RBM17: variants seen among roughly 807,000 people sequenced by gnomAD.
The protein encoded by RBM17 is splicing factor 45.
In RBM17, 7 loss-of-function variants were observed where a neutral mutation model predicts 53.2. The observed-to-expected ratio is 0.13, with a 90% CI of 0.07 to 0.25. The LOEUF (loss-of-function observed/expected upper bound fraction) is 0.25. Among genes scored for constraint, RBM17 ranks in the 10% least tolerant of loss-of-function variants. The pLI is 1.00. For synonymous variants in RBM17, 167 were observed against 178.1 expected, an observed-to-expected ratio of 0.94 and a Z score of 0.50; for missense variants, 257 against 496.7, an observed-to-expected ratio of 0.52 and a Z score of 4.59.
Position 6,115,779 on chromosome 10 carries a change from T to A in RBM17, c.*223T>A. The A allele has an allele frequency of 2.7e-6, 1 of 376,490 alleles. No individual in the cohort carries two copies. Among genetic ancestry groups the A allele is most frequent in the Non-Finnish European group, 4.7e-6 (1 of 212,514 alleles). The allele number at this position is 376,490 out of a possible 1,614,324, so 23.3% of individuals were successfully genotyped here. On this transcript the variant is annotated 3_prime_UTR_variant, in exon 12 of 12. Coordinates refer to ENST00000379888, the MANE Select transcript of RBM17 (RefSeq NM_032905.5). ...CAATCTGTGTGCCTCTCTGGTTGTT[T>A]CTCTTTTTTATTATTACTCCTGAGT...
intron 1 of RBM17, among the ~76,000 whole-genome samples, chr10:6,092,324 A>G (rs1005900351): frequency 7.2e-5 from 11 of 152,130 alleles, no homozygotes; most frequent in African/African-American, 2.7e-4. Flanking sequence ...TGGCAGTCTT[A>G]TTAATGTACT....
Position 6,092,184 on chromosome 10 carries a change from C to G in RBM17, c.-19+2991C>G, listed in dbSNP as rs892994657. Reference sequence around the variant, plus strand: ...CAGCAATTTGTATTTACTTTTGATCCTGGCTTCTTATGGTATATCCAGTTG... The same window carrying G: ...CAGCAATTTGTATTTACTTTTGATCGTGGCTTCTTATGGTATATCCAGTTG... On this transcript the variant is annotated intron_variant, in intron 1 of 11. Coordinates refer to ENST00000379888, the MANE Select transcript of RBM17 (RefSeq NM_032905.5). Among the ~76,000 whole-genome samples, 4 of 152,284 alleles carry G rather than the reference C, an allele frequency of 2.6e-5. No homozygotes were observed. In the South Asian group the frequency reaches 6.2e-4, roughly 24 times the overall value.
intron 3 of RBM17, among the ~76,000 whole-genome samples, chr10:6,104,532 G>C (rs891847107): frequency 1.1e-4 from 17 of 152,206 alleles, no homozygotes; most frequent in Non-Finnish European, 1.5e-5. Flanking sequence ...CTGCAAGAAT[G>C]ATTGTGGTGT....
At chr10:6,104,565 G>A (rs1467798322) in intron 3 of RBM17, among the ~76,000 whole-genome samples, 4 of 152,198 alleles carry the variant, frequency 2.6e-5, no homozygotes, top group African/African-American at 9.7e-5. Flanking sequence ...TATTTTTTAA[G>A]TTGTCATAGA....
intron 1 of RBM17, among the ~76,000 whole-genome samples, chr10:6,093,878 A>C (rs1564564875): frequency 6.6e-6 from 1 of 152,186 alleles, no homozygotes; most frequent in Non-Finnish European, 1.5e-5. Flanking sequence ...CTGAATATGC[A>C]ATATATGTCA....
intron 10 of RBM17, 121 bp from the exon 11 acceptor site, chr10:6,115,118 C>A: frequency 1.3e-6 from 1 of 747,532 alleles, no homozygotes; most frequent in East Asian, 2.7e-5. Context: ...TGGTATTTGA[C>A]AACTACTTGA....
intron 10 of RBM17, 58 bp from the exon 11 acceptor site, chr10:6,115,181 A>G: frequency 7.4e-7 from 1 of 1,343,614 alleles, no homozygotes; most frequent in South Asian, 1.3e-5. Context: ...TTAAAAGAGA[A>G]AACTCATTCA....
chr10:6,104,212 C>A (rs1444216617), intron 3 of RBM17, among the ~76,000 whole-genome samples: 1 of 152,178 alleles, frequency 6.6e-6, no homozygotes, highest in East Asian at 1.9e-4. Flanking sequence ...CTGTGCTCTG[C>A]CTCTCGTTTT....
intron 3 of RBM17, among the ~76,000 whole-genome samples, chr10:6,104,096 G>A (rs1419368806): frequency 2.0e-5 from 3 of 152,232 alleles, no homozygotes; most frequent in African/African-American, 7.2e-5. Flanking sequence ...GAAAGTGTGG[G>A]AAGGTTTAGG....
chr10:6,090,915 T>C (rs1274253070), intron 1 of RBM17, among the ~76,000 whole-genome samples: 1 of 137,850 alleles, frequency 7.3e-6, no homozygotes, highest in Non-Finnish European at 1.5e-5. Context: ...AGGTAGATGC[T>C]TTTTAAGCTG....
chr10:6,098,770 G>C (rs1276241110), intron 2 of RBM17, among the ~76,000 whole-genome samples: 3 of 151,916 alleles, frequency 2.0e-5, no homozygotes, highest in Non-Finnish European at 4.4e-5. Flanking sequence ...GGATGGTCTC[G>C]ATTTCCTGAC....
At chr10:6,095,236 G>A (rs1840555147) in intron 1 of RBM17, among the ~76,000 whole-genome samples, 1 of 151,052 alleles carries the variant, frequency 6.6e-6, no homozygotes. Flanking sequence ...TTTTTTTGGC[G>A]GAGTCTTTAT....
At chr10:6,094,039 A>G (rs561190954) in intron 1 of RBM17, among the ~76,000 whole-genome samples, 2 of 144,042 alleles carry the variant, frequency 1.4e-5, no homozygotes, top group East Asian at 2.0e-4. Flanking sequence ...CAGTGGTGCA[A>G]TCTTGGCTCA....
At chr10:6,107,334 C>T (rs993841179) in intron 5 of RBM17, among the ~76,000 whole-genome samples, 6 of 151,500 alleles carry the variant, frequency 4.0e-5, no homozygotes, top group South Asian at 2.1e-4. Context: ...TGCGCTACCA[C>T]GCCCATCTAA....
At position 6,107,479 on chromosome 10, in the gene RBM17, CTTTTTTTT is replaced by C. The variant is rs71390124; in HGVS notation, c.506-1193_506-1186del. On this transcript the variant is annotated intron_variant, in intron 5 of 11. Coordinates refer to ENST00000379888, the MANE Select transcript of RBM17 (RefSeq NM_032905.5). Reference sequence around the variant, plus strand: ...AGGTATGAGCCACTGCACCCGGCCTCTTTTTTTTTTTTTTTTTTTTTGGAGACACTCTT... The same window carrying C: ...AGGTATGAGCCACTGCACCCGGCCTCTTTTTTTTTTTTTGGAGACACTCTT... 1.5e-3 allele frequency among the ~76,000 whole-genome samples: 85 copies of C among 56,610 alleles called. 4 individuals carry two copies. In the East Asian group the frequency reaches 0.029, roughly 19 times the overall value. The allele number at this position is 56,610 out of a possible 152,430, so 37.1% of individuals were successfully genotyped here. A position where few individuals can be genotyped will look rare whatever the true frequency, so the allele number is the denominator to read the frequency against.
chr10:6,095,511 AC>A (rs1840558627), intron 1 of RBM17, among the ~76,000 whole-genome samples: 2 of 152,158 alleles, frequency 1.3e-5, no homozygotes, highest in East Asian at 3.9e-4. Context: ...ACCGTGCCTG[AC>A]CATCCCTTCA....
chr10:6,098,501 T>C (rs1840612309), intron 2 of RBM17, among the ~76,000 whole-genome samples: 1 of 151,522 alleles, frequency 6.6e-6, no homozygotes, highest in Admixed American at 6.6e-5. Context: ...TAGTAGAGAC[T>C]TAAGAATTAA....
intron 7 of RBM17, 86 bp downstream of exon 7, chr10:6,110,213 C>T (rs1840816510): frequency 7.8e-7 from 1 of 1,279,130 alleles, no homozygotes; most frequent in African/African-American, 1.5e-5. Flanking sequence ...TTGTTTGAAA[C>T]TGAGGACATT....
chr10:6,091,139 A>C (rs965979653), intron 1 of RBM17, among the ~76,000 whole-genome samples: 1 of 151,440 alleles, frequency 6.6e-6, no homozygotes, highest in Non-Finnish European at 1.5e-5. Context: ...GCTCACTGCA[A>C]CCTCCACTTC....
Sources: gnomAD v4.1 joint callset for allele counts (sites outside exome capture counted in the v4.1 genomes callset) on GRCh38, gnomAD v4.1.1 for gene constraint, MANE v1.5 for transcripts, NCBI Gene and HGNC (gene_info 2026-07-23, HGNC 2026-07-21) for gene names.